The following COL21A1 variants were observed in gnomAD, a reference collection of about 807,000 sequenced individuals.
COL21A1 encodes collagen alpha-1(XXI) chain.
Under a neutral mutation model 137.9 loss-of-function variants are expected in COL21A1, and 149 were observed. That is an observed-to-expected ratio of 1.08 (90% CI 0.95 to 1.24). The LOEUF is 1.24. COL21A1 is among the 50% of genes most tolerant of loss of function. The probability of loss-of-function intolerance (pLI) is 0.00; values close to 1 mark genes in which losing one functional copy is unlikely to be tolerated. For synonymous variants in COL21A1, 456 were observed against 391.5 expected (o/e 1.16, Z -1.95); for missense variants, 1,167 against 1,158.4 (o/e 1.01, Z -0.11).
At chr6:56,095,291 T>G (rs961750362) in intron 17 of COL21A1, among the ~76,000 whole-genome samples, 1 of 152,192 alleles carries the variant, frequency 6.6e-6, no homozygotes, top group Non-Finnish European at 1.5e-5. Flanking sequence ...TGTTCCTCTG[T>G]ATCCATCCAT....
At chr6:56,185,660 C>A (rs1045393051) in intron 1 of COL21A1, among the ~76,000 whole-genome samples, 2 of 151,846 alleles carry the variant, frequency 1.3e-5, no homozygotes, top group African/African-American at 4.8e-5. Context: ...TGGTCTCGAT[C>A]TCCTGACCTC....
At chr6:56,225,006 A>G (rs927991563) in intron 1 of COL21A1, among the ~76,000 whole-genome samples, 7 of 152,026 alleles carry the variant, frequency 4.6e-5, no homozygotes, top group African/African-American at 1.7e-4. Context: ...TGTAATAAAC[A>G]GGGAAAGAAA....
chr6:56,213,081 G>T (rs1780273788), intron 1 of COL21A1, among the ~76,000 whole-genome samples: 1 of 151,930 alleles, frequency 6.6e-6, no homozygotes, highest in Admixed American at 6.6e-5. Flanking sequence ...GGACTGACCA[G>T]TCTGATATTC....
At chr6:56,137,515 G>C (rs1774090230) in intron 12 of COL21A1, among the ~76,000 whole-genome samples, 2 of 152,088 alleles carry the variant, frequency 1.3e-5, no homozygotes, top group African/African-American at 2.4e-5. Context: ...CACAGTGATG[G>C]GGATTCCATT....
intron 16 of COL21A1, among the ~76,000 whole-genome samples, chr6:56,110,107 C>A (rs1771289056): frequency 6.6e-6 from 1 of 151,792 alleles, no homozygotes; most frequent in Admixed American, 6.6e-5. Flanking sequence ...AAATTGAATC[C>A]AGTAATGTAT....
chr6:56,219,325 C>A (rs1253150900), intron 1 of COL21A1, among the ~76,000 whole-genome samples: 1 of 149,398 alleles, frequency 6.7e-6, no homozygotes, highest in Non-Finnish European at 1.5e-5. Flanking sequence ...ACCATTACAT[C>A]TGAGAAGTAT....
intron 12 of COL21A1, among the ~76,000 whole-genome samples, chr6:56,138,236 G>A (rs957530380): frequency 3.3e-5 from 5 of 151,616 alleles, no homozygotes; most frequent in Admixed American, 2.6e-4. Context: ...TTGTGCATAT[G>A]TGTATGTCTG....
At chr6:56,297,580 G>A (rs1464573546) in intron 1 of COL21A1, among the ~76,000 whole-genome samples, 1 of 152,062 alleles carries the variant, frequency 6.6e-6, no homozygotes, top group African/African-American at 2.4e-5. Flanking sequence ...TTTACTGACT[G>A]TAACTTATTT....
chr6:56,124,180 A>C, intron 15 of COL21A1, 59 bp downstream of exon 15: 1 of 1,537,992 alleles, frequency 6.5e-7, no homozygotes, highest in Non-Finnish European at 8.8e-7. Flanking sequence ...AAAGACAGAT[A>C]CTATAAGATA....
intron 1 of COL21A1, among the ~76,000 whole-genome samples, chr6:56,183,916 G>C (rs1778086952): frequency 1.3e-5 from 2 of 152,124 alleles, no homozygotes; most frequent in South Asian, 4.1e-4. Context: ...AATGGTTTAT[G>C]CAACGGGTTT....
At chr6:56,344,124 G>C (rs929232264) in intron 1 of COL21A1, among the ~76,000 whole-genome samples, 1 of 152,044 alleles carries the variant, frequency 6.6e-6, no homozygotes, top group Non-Finnish European at 1.5e-5. Flanking sequence ...TGCATTCCTA[G>C]ATAGCACAGG....
intron 1 of COL21A1, among the ~76,000 whole-genome samples, chr6:56,350,924 T>C (rs1765698936): frequency 6.6e-6 from 1 of 152,262 alleles, no homozygotes; most frequent in Non-Finnish European, 1.5e-5. Flanking sequence ...AATGTAACAT[T>C]AGCTTATTGC....
At chr6:56,348,249 A>G (rs1480921322) in intron 1 of COL21A1, among the ~76,000 whole-genome samples, 4 of 152,150 alleles carry the variant, frequency 2.6e-5, no homozygotes, top group African/African-American at 9.7e-5. Context: ...GATCATATTG[A>G]AGTAGAGACA....
chr6:56,182,027 A>C (rs765706589), intron 2 of COL21A1, among the ~76,000 whole-genome samples: 14 of 152,166 alleles, frequency 9.2e-5, no homozygotes, highest in Non-Finnish European at 1.6e-4. Flanking sequence ...GAGTTTTAAA[A>C]TGTGAACATA....
chr6:56,387,709 C>A (rs2094020849), intron 1 of COL21A1, among the ~76,000 whole-genome samples: 1 of 152,182 alleles, frequency 6.6e-6, no homozygotes, highest in South Asian at 2.1e-4. Context: ...CAGATTTCTG[C>A]TGGTACCCAT....
chr6:56,216,230 A>G (rs1228985669), intron 1 of COL21A1, among the ~76,000 whole-genome samples: 1 of 152,086 alleles, frequency 6.6e-6, no homozygotes, highest in Non-Finnish European at 1.5e-5. Flanking sequence ...TATGGGACCT[A>G]TTGCTGCATT....
intron 16 of COL21A1, among the ~76,000 whole-genome samples, chr6:56,102,537 C>G (rs1163983649): frequency 3.3e-5 from 5 of 152,052 alleles, no homozygotes; most frequent in African/African-American, 1.2e-4. Flanking sequence ...TCTCAAATAC[C>G]TGAGTTGAAA....
chr6:56,242,444 C>T (rs115732520), intron 1 of COL21A1, among the ~76,000 whole-genome samples: 2 of 152,038 alleles, frequency 1.3e-5, no homozygotes, highest in East Asian at 1.9e-4. Flanking sequence ...CTTTTCTTCT[C>T]GACACCAATG....
intron 1 of COL21A1, among the ~76,000 whole-genome samples, chr6:56,352,331 T>C (rs17225519): frequency 0.17 from 26,431 of 151,844 alleles, 2,454 homozygotes; most frequent in African/African-American, 0.2. Context: ...TGTGGACAAG[T>C]GGGAGAAGAA....
Sources: gnomAD v4.1 joint callset for allele counts (sites outside exome capture counted in the v4.1 genomes callset) on GRCh38, gnomAD v4.1.1 for gene constraint, MANE v1.5 for transcripts, NCBI Gene and HGNC (gene_info 2026-07-23, HGNC 2026-07-21) for gene names.